ERC1: variants seen among roughly 807,000 people sequenced by gnomAD.
ERC1 encodes ELKS/RAB6-interacting/CAST family member 1.
ERC1 carries 56 observed loss-of-function variants against 132.0 expected under a neutral mutation model. The observed-to-expected ratio is 0.42, with a 90% CI of 0.34 to 0.53. ERC1 has a LOEUF of 0.53. ERC1 is among the 20% of genes least tolerant of loss of function. ERC1 has a pLI of 0.03. For synonymous variants in ERC1, 478 were observed against 476.1 expected, an observed-to-expected ratio of 1.00 and a Z score of -0.05; for missense variants, 1,202 against 1,349.9, an observed-to-expected ratio of 0.89 and a Z score of 1.72.
intron 12 of ERC1, among the ~76,000 whole-genome samples, chr12:1,225,471 C>CACACACAG (rs1176094407): frequency 1.3e-4 from 20 of 151,828 alleles, no homozygotes; most frequent in African/African-American, 3.6e-4. Flanking sequence ...CACACACACA[C>CACACACAG]ACACACACAC....
intron 15 of ERC1, among the ~76,000 whole-genome samples, chr12:1,296,678 G>A (rs1189028260): frequency 6.6e-6 from 1 of 152,112 alleles, no homozygotes; most frequent in Non-Finnish European, 1.5e-5. Context: ...GGGATTACAG[G>A]CGTCAGCCAC....
At chr12:1,480,801 A>C (rs1293201674) in intron 18 of ERC1, 1 of 702,326 alleles carries the variant, frequency 1.4e-6, no homozygotes. Flanking sequence ...TTTTAGGGGA[A>C]GTTTCAGACA....
intron 2 of ERC1, among the ~76,000 whole-genome samples, chr12:1,043,856 G>A (rs1315899438): frequency 6.6e-6 from 1 of 152,200 alleles, no homozygotes; most frequent in South Asian, 2.1e-4. Flanking sequence ...TAATGCTACT[G>A]TCTCTTTAGC....
intron 1 of ERC1, among the ~76,000 whole-genome samples, chr12:1,004,488 C>G (rs1963126780): frequency 6.8e-6 from 1 of 146,434 alleles, no homozygotes; most frequent in Non-Finnish European, 1.5e-5. Flanking sequence ...CTCACTGCAA[C>G]CTCCGCCTCC....
At chr12:1,059,053 CCTT>C (rs1973540128) in intron 2 of ERC1, among the ~76,000 whole-genome samples, 2 of 152,006 alleles carry the variant, frequency 1.3e-5, no homozygotes, top group African/African-American at 4.8e-5. Context: ...AGCTCTTTCA[CCTT>C]CTTGGTTCAA....
intron 7 of ERC1, among the ~76,000 whole-genome samples, chr12:1,137,775 C>G (rs1169472949): frequency 6.6e-6 from 1 of 151,534 alleles, no homozygotes; most frequent in Non-Finnish European, 1.5e-5. Context: ...ATCTCTTGAA[C>G]CCAGGAGGCA....
intron 12 of ERC1, 92 bp downstream of exon 12, chr12:1,190,144 C>G: frequency 2.6e-6 from 3 of 1,153,110 alleles, no homozygotes; most frequent in Non-Finnish European, 2.6e-6. Context: ...GTATCTAACT[C>G]TGAATTTAGG....
chr12:1,360,630 C>G (rs904570586), intron 15 of ERC1, among the ~76,000 whole-genome samples: 2 of 152,184 alleles, frequency 1.3e-5, no homozygotes, highest in African/African-American at 4.8e-5. Flanking sequence ...TGCAATAAAA[C>G]TGTGAAGCTT....
chr12:1,193,996 G>A (rs532110617), intron 12 of ERC1, among the ~76,000 whole-genome samples: 1 of 152,306 alleles, frequency 6.6e-6, no homozygotes, highest in East Asian at 1.9e-4. Flanking sequence ...AAAGTCGTTA[G>A]ATAAGTAAAT....
chr12:1,251,117 AT>A (rs1218858721), intron 13 of ERC1, among the ~76,000 whole-genome samples: 1 of 151,838 alleles, frequency 6.6e-6, no homozygotes, highest in Non-Finnish European at 1.5e-5. Context: ...TTGATAAGAG[AT>A]TTTTTTTCCT....
chr12:1,349,386 G>A (rs2084783173), intron 15 of ERC1, among the ~76,000 whole-genome samples: 2 of 152,198 alleles, frequency 1.3e-5, no homozygotes, highest in African/African-American at 4.8e-5. Context: ...CTTTTTGGCC[G>A]GGCACAGTGG....
chr12:1,490,933 A>G lies in ERC1; in HGVS notation c.*703A>G. The G allele has an allele frequency of 4.3e-6, 1 of 232,702 alleles. No homozygotes were observed. The highest frequency in any genetic ancestry group is 5.6e-5 in the Admixed American group (1 of 17,774). 14.4% of individuals were successfully genotyped at this position (232,702 alleles called of 1,614,324 possible). A position where few individuals can be genotyped will look rare whatever the true frequency, so the allele number is the denominator to read the frequency against. On this transcript the variant is annotated 3_prime_UTR_variant, in exon 19 of 19. Transcript: ENST00000360905. ...TGTTCCTCGGCCAGTTAACAAGAAGATGGTGTGAGGTGTTCTCCACCAGTC... is the reference window on the plus strand; with the variant it reads ...TGTTCCTCGGCCAGTTAACAAGAAGGTGGTGTGAGGTGTTCTCCACCAGTC...
intron 15 of ERC1, among the ~76,000 whole-genome samples, chr12:1,327,841 AT>A (rs113400728): frequency 0.056 from 8,233 of 146,592 alleles, 339 homozygotes; most frequent in African/African-American, 0.12. Flanking sequence ...TCATCTCATC[AT>A]TTTTTTTTTT....
At position 1,486,722 on chromosome 12, in the gene ERC1, G is replaced by A. The variant is rs148335774; in HGVS notation, c.3214-3371G>A. Among the ~76,000 whole-genome samples, 96 of 151,002 alleles carry A rather than the reference G, an allele frequency of 6.4e-4. 1 individual carries two copies. In the East Asian group the frequency reaches 0.016, roughly 26 times the overall value. The stretch of plus-strand genomic sequence containing the variant: ...TTACAGGCGTGAGCCACCGCACCCG[G>A]CTGTGAAATCACTCCCGGCTGTGAA... On this transcript the variant is annotated intron_variant, in intron 18 of 18. Coordinates refer to ENST00000360905, the MANE Select transcript of ERC1 (RefSeq NM_178040.4).
chr12:1,356,496 G>A (rs2085553177), intron 15 of ERC1, among the ~76,000 whole-genome samples: 4 of 152,056 alleles, frequency 2.6e-5, no homozygotes, highest in Admixed American at 2.0e-4. Context: ...ACTCAGTAGG[G>A]AGTAAAGGTT....
intron 1 of ERC1, among the ~76,000 whole-genome samples, chr12:993,766 G>C (rs139887177): frequency 1.1e-3 from 171 of 152,236 alleles, no homozygotes; most frequent in African/African-American, 4.1e-3. Flanking sequence ...GCTGGGCGTG[G>C]TGGCACATGC....
At chr12:1,249,425 C>T (rs897322439) in intron 13 of ERC1, among the ~76,000 whole-genome samples, 3 of 152,094 alleles carry the variant, frequency 2.0e-5, no homozygotes, top group Non-Finnish European at 4.4e-5. Context: ...CTTTTTCTTG[C>T]GAAGCTGCCT....
chr12:1,134,247 ATTC>A (rs1003470712), intron 7 of ERC1, among the ~76,000 whole-genome samples: 12 of 152,144 alleles, frequency 7.9e-5, no homozygotes, highest in Non-Finnish European at 1.3e-4. Context: ...AAACAATTAT[ATTC>A]TTCTTACTAT....
At chr12:1,275,775 A>G (rs2078220920) in intron 14 of ERC1, among the ~76,000 whole-genome samples, 1 of 152,188 alleles carries the variant, frequency 6.6e-6, no homozygotes. Context: ...AAAGGAGTTT[A>G]TTTGGCCATG....
Sources: gnomAD v4.1 joint callset for allele counts (sites outside exome capture counted in the v4.1 genomes callset) on GRCh38, gnomAD v4.1.1 for gene constraint, MANE v1.5 for transcripts, NCBI Gene and HGNC (gene_info 2026-07-23, HGNC 2026-07-21) for gene names.